The following STS variants were observed in gnomAD, a reference collection of about 807,000 sequenced individuals.
The protein encoded by STS is steryl-sulfatase.
STS carries 7 observed loss-of-function variants against 26.8 expected under a neutral mutation model. The observed-to-expected ratio is 0.26, with a 90% CI of 0.15 to 0.49. STS has a LOEUF of 0.49. Ranked by LOEUF, STS falls within the 20% of genes least tolerant of loss-of-function variation. The pLI is 0.98. For synonymous variants in STS, 199 were observed against 189.4 expected (o/e 1.05, Z -0.42); for missense variants, 434 against 465.6 (o/e 0.93, Z 0.63).
At chrX:7,152,102 G>A (rs1487794653) in intron 1 of STS, among the ~76,000 whole-genome samples, 4 of 109,080 alleles carry the variant, frequency 3.7e-5, no homozygotes, top group East Asian at 5.9e-4. Context: ...ACAGGCACCC[G>A]CCACTATGCC....
intron 7 of STS, among the ~76,000 whole-genome samples, chrX:7,279,292 A>AAAT (rs1477179869): frequency 2.2e-3 from 140 of 62,768 alleles, no homozygotes; most frequent in African/African-American, 8.1e-3. Flanking sequence ...AAAAAAAAAA[A>AAAT]ATATATATAT....
intron 10 of STS, among the ~76,000 whole-genome samples, chrX:7,338,920 A>T (rs779667843): frequency 4.5e-5 from 5 of 111,706 alleles, no homozygotes; most frequent in Admixed American, 3.8e-4. Context: ...GCAAACAGCC[A>T]TAGGGTAATG....
intron 7 of STS, among the ~76,000 whole-genome samples, chrX:7,301,714 A>C (rs1378778420): frequency 1.8e-5 from 2 of 111,298 alleles, no homozygotes; most frequent in Non-Finnish European, 3.8e-5. Context: ...CCGCCTCCTC[A>C]TCCCTCCTTT....
At chrX:7,253,437 GT>G in intron 3 of STS, 101 bp downstream of exon 3, 1 of 1,093,440 alleles carries the variant, frequency 9.1e-7, no homozygotes, top group Non-Finnish European at 1.3e-6. Flanking sequence ...ATGTAGAAAC[GT>G]TCAAAACCCT....
intron 8 of STS, among the ~76,000 whole-genome samples, chrX:7,325,036 C>G (rs1464542968): frequency 9.0e-6 from 1 of 111,690 alleles, no homozygotes; most frequent in Admixed American, 9.5e-5. Context: ...TCCCTGACTC[C>G]AGAGTCATTG....
At chrX:7,342,898 T>A (rs1928358311) in intron 10 of STS, among the ~76,000 whole-genome samples, 1 of 111,363 alleles carries the variant, frequency 9.0e-6, no homozygotes, top group African/African-American at 3.3e-5. Context: ...GAGACTAGGG[T>A]AATGTATGGA....
intron 8 of STS, among the ~76,000 whole-genome samples, chrX:7,306,962 A>G (rs1456464855): frequency 8.9e-6 from 1 of 111,775 alleles, no homozygotes; most frequent in Non-Finnish European, 1.9e-5. Flanking sequence ...CAGGTAGCTT[A>G]TGAAGCCTTA....
chrX:7,152,649 G>A (rs1303784809), intron 1 of STS, among the ~76,000 whole-genome samples: 2 of 113,083 alleles, frequency 1.8e-5, no homozygotes, highest in African/African-American at 3.2e-5. Context: ...GAACACTGGC[G>A]AATGTTCTTG....
chrX:7,194,242 CTG>C (rs1185533297), intron 2 of STS, among the ~76,000 whole-genome samples: 2 of 109,931 alleles, frequency 1.8e-5, no homozygotes, highest in African/African-American at 6.9e-5. Flanking sequence ...GTTATCAAAA[CTG>C]TCGTTGTGTG....
At chrX:7,304,969 C>T (rs1317843850) in intron 7 of STS, 77 bp from the exon 8 acceptor site, 10 of 1,139,552 alleles carry the variant, frequency 8.8e-6, no homozygotes, top group African/African-American at 7.2e-5. Context: ...AAATTAGCCA[C>T]CCACTGAGTA....
At chrX:7,324,277 C>CCT (rs1927253686) in intron 8 of STS, among the ~76,000 whole-genome samples, 1 of 110,378 alleles carries the variant, frequency 9.1e-6, no homozygotes, top group Non-Finnish European at 1.9e-5. Flanking sequence ...AAGGGAGTGT[C>CCT]TGGGTTAAAA....
chrX:7,148,910 CTTTTT>C (rs1222134630), intron 1 of STS, among the ~76,000 whole-genome samples: 2 of 107,787 alleles, frequency 1.9e-5, no homozygotes, highest in Non-Finnish European at 3.8e-5. Flanking sequence ...AGTTTTCTTT[CTTTTT>C]TAACTTTTCA....
chrX:7,325,227 T>C (rs1360681681), intron 8 of STS, 112 bp from the exon 9 acceptor site: 1 of 780,204 alleles, frequency 1.3e-6, no homozygotes, highest in African/African-American at 2.1e-5. Flanking sequence ...ATGGAATCTA[T>C]GTAATTAGAG....
At chrX:7,158,958 T>A (rs750106910) in intron 1 of STS, among the ~76,000 whole-genome samples, 2 of 111,635 alleles carry the variant, frequency 1.8e-5, no homozygotes, top group African/African-American at 6.5e-5. Context: ...CTTTTCAGGT[T>A]TCAGCATGCC....
At chrX:7,242,322 ATAACT>A (rs1299366137) in intron 2 of STS, among the ~76,000 whole-genome samples, 7 of 110,788 alleles carry the variant, frequency 6.3e-5, no homozygotes, top group African/African-American at 1.6e-4. Flanking sequence ...TAAGTTAATA[ATAACT>A]TAATATTATT....
intron 1 of STS, among the ~76,000 whole-genome samples, chrX:7,177,176 C>A (rs1364802184): frequency 9.0e-6 from 1 of 111,014 alleles, no homozygotes; most frequent in African/African-American, 3.3e-5. Flanking sequence ...GATCAGGGTA[C>A]TAGAATGTGG....
In STS at chrX:7,248,707, G is replaced by T. The variant is rs191608660; in HGVS notation, c.-4-4489G>T. 2.6e-3 allele frequency among the ~76,000 whole-genome samples: 290 copies of T among 110,551 alleles called. 4 individuals are homozygous for T. The highest frequency in any genetic ancestry group is 9.0e-3 in the African/African-American group (272 of 30,372). On this transcript the variant is annotated intron_variant, in intron 2 of 10. Coordinates refer to ENST00000674429, the MANE Select transcript of STS (RefSeq NM_001320752.2). ...TTAAGATTTATTACTATTTATAATT[G>T]TGGCAAAATACACATAACATAAAAT...
At chrX:7,229,060 G>A (rs992931408) in intron 2 of STS, among the ~76,000 whole-genome samples, 33 of 112,414 alleles carry the variant, frequency 2.9e-4, no homozygotes, top group African/African-American at 7.4e-4. Flanking sequence ...TCCTATGGAT[G>A]TCTTAAAGGA....
chrX:7,159,923 C>T (rs753691136), intron 1 of STS, among the ~76,000 whole-genome samples: 4 of 112,085 alleles, frequency 3.6e-5, no homozygotes, highest in Non-Finnish European at 5.6e-5. Flanking sequence ...TATTCACACA[C>T]GATGAGCGTT....
Sources: gnomAD v4.1 joint callset for allele counts (sites outside exome capture counted in the v4.1 genomes callset) on GRCh38, gnomAD v4.1.1 for gene constraint, MANE v1.5 for transcripts, NCBI Gene and HGNC (gene_info 2026-07-23, HGNC 2026-07-21) for gene names.